Variants in TARS2 observed in about 807,000 individuals in gnomAD.
The protein encoded by TARS2 is threonyl-tRNA synthetase 2, mitochondrial.
A neutral mutation model predicts 94.4 loss-of-function variants in TARS2; 61 were observed. The ratio of observed to expected loss-of-function variants is 0.65; its 90% CI spans 0.53 to 0.80. The LOEUF (loss-of-function observed/expected upper bound fraction) is 0.80. TARS2 is among the 30% of genes least tolerant of loss of function. The probability of loss-of-function intolerance (pLI) is 0.00; values close to 1 mark genes in which losing one functional copy is unlikely to be tolerated. For synonymous variants in TARS2, 359 were observed against 353.4 expected (o/e 1.02, Z -0.18); for missense variants, 704 against 902.5 (o/e 0.78, Z 2.82).
chr1:150,496,482 A>T lies in TARS2; in HGVS notation c.775A>T (p.Asn259Tyr). Residue 259 changes from asparagine (N) to tyrosine (Y), a missense_variant and splice_region_variant, in exon 8 of 18, where the codon AAC becomes TAC. Physicochemically the swap from Asn to Tyr is moderately radical, Grantham distance 143 (BLOSUM62 -2). This residue lies in a region of TARS2 where 466 missense variants were observed against 609.5 expected (regional missense o/e 0.76). Transcript: ENST00000369064. ...GQIGGLKLLSNSSSLWRSSGA... is the reference protein window; with the variant it reads ...GQIGGLKLLSYSSSLWRSSGA... ...TTTGATCCCCTATGTCCTCACACAG[A>T]ACTCATCATCCTTATGGAGGTCTTC... The T allele has an allele frequency of 6.2e-7, 1 of 1,611,384 alleles. No homozygotes were observed. Among genetic ancestry groups the T allele is most frequent in the Non-Finnish European group, 8.5e-7 (1 of 1,178,174 alleles).
At chr1:150,491,276 G>A (rs1669369884) in intron 4 of TARS2, 118 bp from the exon 5 acceptor site, 1 of 922,958 alleles carries the variant, frequency 1.1e-6, no homozygotes, top group South Asian at 1.4e-5. Context: ...GTCTGTCTTT[G>A]CCTATAACTC....
At chr1:150,504,600 A>G (rs754124322) in intron 14 of TARS2, 32 bp from the exon 15 acceptor site, 1 of 1,606,654 alleles carries the variant, frequency 6.2e-7, no homozygotes, top group Admixed American at 1.7e-5. Flanking sequence ...TACTTCCACC[A>G]TTCCATCCAC....
intron 10 of TARS2, 61 bp from the exon 11 acceptor site, chr1:150,498,440 AG>A: frequency 1.0e-5 from 15 of 1,502,760 alleles, no homozygotes; most frequent in Admixed American, 7.3e-5. Context: ...GATTGGGTGG[AG>A]GAGCAGTCTT....
chr1:150,488,231 C>T (rs1669235666), intron 2 of TARS2, 177 bp downstream of exon 2: 2 of 690,888 alleles, frequency 2.9e-6, no homozygotes, highest in Non-Finnish European at 4.6e-6. Context: ...GACGGGGTCT[C>T]TCCATGTTGC....
rs1322913410 is a variant in TARS2, at chr1:150,506,958, G to A, written c.2051G>A (p.Arg684Gln). 5.6e-6 allele frequency: 9 copies of A among 1,613,980 alleles called. No individual in the cohort carries two copies. The highest frequency in any genetic ancestry group is 2.7e-5 in the African/African-American group (2 of 74,898). The change falls in exon 18 of 18, where the codon CGG becomes CAG. Residue 684 changes from arginine (R) to glutamine (Q), a missense_variant. Arg to Gln is a conservative substitution (Grantham distance 43). Transcript: ENST00000369064. ...KEQSKRTVNI[R>Q]TRDNRRLGEW... Reference sequence around the variant, plus strand: ...CAAAGTAAGAGAACAGTGAACATTCGGACTCGAGATAATCGTCGCCTTGGG... The same window carrying A: ...CAAAGTAAGAGAACAGTGAACATTCAGACTCGAGATAATCGTCGCCTTGGG...
chr1:150,499,366 C>T, intron 13 of TARS2, 73 bp downstream of exon 13: 3 of 1,396,442 alleles, frequency 2.1e-6, no homozygotes, highest in Admixed American at 2.1e-5. Context: ...TTAATAGATA[C>T]AAAGAATTTT....
rs769127347 is a variant in TARS2, at chr1:150,488,981, C to G, written c.281C>G (p.Thr94Ser). 1.2e-6 allele frequency: 2 copies of G among 1,614,114 alleles called. No homozygotes were observed. The highest frequency in any genetic ancestry group is 1.1e-5 in the South Asian group (1 of 91,064). Reference sequence around the variant, plus strand: ...TGCTGAAGTTCAACACTGGCAGATACTGCAGTGGCTGCTCAAGTGAATGGA... The same window carrying G: ...TGCTGAAGTTCAACACTGGCAGATAGTGCAGTGGCTGCTCAAGTGAATGGA... ...ARQISSTLAD[T>S]AVAAQVNGEP... Residue 94 changes from threonine (T) to serine (S), a missense_variant, in exon 3 of 18, where the codon ACT becomes AGT. By Grantham distance (58) the Thr-to-Ser change is moderately conservative. Transcript: ENST00000369064.
intron 13 of TARS2, 54 bp downstream of exon 13, chr1:150,499,347 A>G (rs1407539171): frequency 6.4e-7 from 1 of 1,557,932 alleles, no homozygotes; most frequent in Non-Finnish European, 8.7e-7. Flanking sequence ...GCTTTGTTTT[A>G]GTAAATATTT....
chr1:150,488,850 C>T, intron 2 of TARS2, 114 bp from the exon 3 acceptor site: 1 of 1,446,720 alleles, frequency 6.9e-7, no homozygotes, highest in South Asian at 1.4e-5. Context: ...CTATTCTCTA[C>T]CACTGTGAGA....
chr1:150,490,419 T>G (rs868165072), intron 3 of TARS2, among the ~76,000 whole-genome samples, 182 bp from the exon 4 acceptor site: 1 of 150,900 alleles, frequency 6.6e-6, no homozygotes, highest in Non-Finnish European at 1.5e-5. Flanking sequence ...GTGCCCAGCC[T>G]TTTTTTTTAA....
At chr1:150,491,727 G>T in intron 6 of TARS2, 65 bp downstream of exon 6, 1 of 1,485,640 alleles carries the variant, frequency 6.7e-7, no homozygotes, top group African/African-American at 1.4e-5. Flanking sequence ...CCAGAAATGC[G>T]ATAAGGGAAG....
At chr1:150,495,962 C>T (rs587754340) in intron 7 of TARS2, among the ~76,000 whole-genome samples, 76 of 151,128 alleles carry the variant, frequency 5.0e-4, no homozygotes, top group African/African-American at 1.6e-3. Context: ...CCTCGTGATC[C>T]GCCCGCCTCG....
At position 150,507,124 on chromosome 1, in the gene TARS2, G is replaced by T. The variant is rs1670265467; in HGVS notation, c.*60G>T. On this transcript the variant is annotated 3_prime_UTR_variant, in exon 18 of 18. Transcript: ENST00000369064. ...TGCCATCAGCCTCCCTCACATGGGA[G>T]ACCCCAACCCAGCTGACAATGTGGA... The T allele has an allele frequency of 6.2e-7, 1 of 1,602,208 alleles. No individual in the cohort carries two copies. Among genetic ancestry groups the T allele is most frequent in the Middle Eastern group, 2.1e-4 (1 of 4,744 alleles).
chr1:150,496,928 G>A lies in TARS2; in HGVS notation c.1020+20G>A, dbSNP rs1487323364. On this transcript the variant is annotated intron_variant, in intron 9 of 17. Coordinates refer to ENST00000369064, the MANE Select transcript of TARS2 (RefSeq NM_025150.5). ...ATCAGGGTAAGGGGACCCAGGTCTA[G>A]AGGAAAGAAGACCAGGGAGGGGCTG... The A allele has an allele frequency of 1.2e-6, 2 of 1,610,598 alleles. No homozygotes were observed. The highest frequency in any genetic ancestry group is 1.1e-5 in the South Asian group (1 of 90,878).
intron 13 of TARS2, among the ~76,000 whole-genome samples, chr1:150,503,673 GTGTATATATGTGTATA>G (rs1560257708): frequency 2.0e-5 from 3 of 149,382 alleles, no homozygotes; most frequent in Admixed American, 6.7e-5. Context: ...GTATATATGT[GTGTATATATGTGTATA>G]TATATGTGTG....
intron 13 of TARS2, 113 bp from the exon 14 acceptor site, chr1:150,504,222 T>C (rs1670093219): frequency 2.2e-6 from 2 of 922,936 alleles, no homozygotes; most frequent in South Asian, 3.0e-5. Flanking sequence ...ATGATGAAGG[T>C]AGTAGCCCGG....
chr1:150,504,955 G>C lies in TARS2; in HGVS notation c.1870G>C (p.Glu624Gln), dbSNP rs1385031827. Residue 624 changes from glutamate to glutamine, a missense_variant, in exon 16 of 18, where the codon GAG (glutamate) becomes CAG (glutamine). Glu to Gln is a conservative substitution (Grantham distance 29). Transcript: ENST00000369064. ...GGTGGTGGTCATCCCTGTGGGGAGT[G>C]AGCAAGAGGAATACGCCAAAGAGGT... ...FQVVVIPVGS[E>Q]QEEYAKEAQQ... The C allele has an allele frequency of 1.9e-6, 3 of 1,614,190 alleles. No homozygotes were observed. The South Asian group carries it at 3.3e-5, about 18-fold the overall frequency.
At chr1:150,499,925 G>A (rs587719104) in intron 13 of TARS2, among the ~76,000 whole-genome samples, 6 of 151,520 alleles carry the variant, frequency 4.0e-5, no homozygotes, top group South Asian at 4.2e-4. Flanking sequence ...TTTCAGGAGG[G>A]AACAGTGTAG....
chr1:150,490,836 T>C (rs1158560959), intron 4 of TARS2, 111 bp downstream of exon 4: 3 of 1,486,868 alleles, frequency 2.0e-6, no homozygotes, highest in African/African-American at 1.4e-5. Context: ...GAAGGGTTTC[T>C]CTAGGTCTCA....
Sources: gnomAD v4.1 joint callset for allele counts (sites outside exome capture counted in the v4.1 genomes callset) on GRCh38, gnomAD v4.1.1 for gene constraint, gnomAD v4.1.1 regional missense constraint, MANE v1.5 for transcripts, NCBI Gene and HGNC (gene_info 2026-07-23, HGNC 2026-07-21) for gene names.